MYO1E: variants seen among roughly 807,000 people sequenced by gnomAD.
The protein encoded by MYO1E is unconventional myosin-Ie.
MYO1E carries 68 observed loss-of-function variants against 151.1 expected under a neutral mutation model. That is an observed-to-expected ratio of 0.45 (90% CI 0.37 to 0.55). MYO1E has a LOEUF of 0.55. MYO1E is among the 20% of genes least tolerant of loss of function. The probability of loss-of-function intolerance (pLI) is 0.00; values close to 1 mark genes in which losing one functional copy is unlikely to be tolerated. For synonymous variants in MYO1E, 601 were observed against 501.7 expected, an observed-to-expected ratio of 1.20 and a Z score of -2.64; for missense variants, 1,363 against 1,389.3, an observed-to-expected ratio of 0.98 and a Z score of 0.30.
Position 59,145,630 on chromosome 15 carries a change from G to A in MYO1E, c.3081-7263C>T, listed in dbSNP as rs2140302139. On this transcript the variant is annotated intron_variant, in intron 26 of 27. Transcript: ENST00000288235. ...TGGTCTCGAACTCCTGGCCTCAAGTGATCCACCCGCCTTGGCCTCCCAAAG... is the reference window on the plus strand; with the variant it reads ...TGGTCTCGAACTCCTGGCCTCAAGTAATCCACCCGCCTTGGCCTCCCAAAG... Among the ~76,000 whole-genome samples the A allele has an allele frequency of 1.3e-5, 2 of 152,132 alleles. 1 individual carries two copies. Among genetic ancestry groups the A allele is most frequent in the South Asian group, 4.2e-4 (2 of 4,810 alleles).
chr15:59,274,279 A>T (rs1269637622), intron 1 of MYO1E, among the ~76,000 whole-genome samples: 2 of 152,204 alleles, frequency 1.3e-5, no homozygotes, highest in Admixed American at 1.3e-4. Context: ...CACATACAGC[A>T]TCAATTCTAC....
Position 59,135,856 on chromosome 15 carries a change from AC to A in MYO1E, c.*1523del, listed in dbSNP as rs2079369473. 1.3e-5 allele frequency: 2 copies of A among 152,204 alleles called. No homozygotes were observed. The allele number at this position is 152,204 out of a possible 1,614,324, so 9.4% of individuals were successfully genotyped here. ...GGTAGAGAAATGGCAGTCTCTACTT[AC>A]AACCATTCCATTATTGATGGGCATT... On this transcript the variant is annotated 3_prime_UTR_variant, in exon 28 of 28. Transcript: ENST00000288235.
At chr15:59,188,367 C>G in intron 17 of MYO1E, 151 bp from the exon 18 acceptor site, 1 of 700,800 alleles carries the variant, frequency 1.4e-6, no homozygotes, top group Admixed American at 2.1e-5. Flanking sequence ...GAGCTGACCT[C>G]TCAGATGACA....
rs1020273476 is a variant in MYO1E, at chr15:59,202,380, T to G, written c.1644A>C (p.Glu548Asp). The G allele has an allele frequency of 5.6e-6, 9 of 1,614,014 alleles. No individual in the cohort carries two copies. In the East Asian group the frequency reaches 1.1e-4, roughly 20 times the overall value. Residue 548 changes from glutamate (E) to aspartate (D), a missense_variant, in exon 16 of 28, where the codon GAA (glutamate) becomes GAC (aspartate). By Grantham distance (45) the Glu-to-Asp change is conservative. Transcript: ENST00000288235. ...ELPFIKSLFP[E>D]NLQADKKGRP... The stretch of plus-strand genomic sequence containing the variant: ...GCCCTTTCTTGTCAGCCTGCAGATT[T>G]TCCGGAAATAAAGACTTTATGAAAG...
intron 2 of MYO1E, among the ~76,000 whole-genome samples, chr15:59,265,754 G>A (rs2414628): frequency 0.47 from 68,419 of 144,614 alleles, 17,850 homozygotes; most frequent in Non-Finnish European, 0.6. Context: ...CCAGGAGTTC[G>A]AGACCAGCCT....
intron 2 of MYO1E, among the ~76,000 whole-genome samples, chr15:59,265,793 A>T (rs74587619): frequency 0.061 from 1,793 of 29,194 alleles, 36 homozygotes; most frequent in East Asian, 0.16. Context: ...CCATCTCCTT[A>T]AAAAAAAAAA....
In MYO1E at chr15:59,202,429, G is replaced by C. The variant is rs768351268; in HGVS notation, c.1617-22C>G. The C allele has an allele frequency of 1.2e-6, 2 of 1,604,022 alleles. 1 individual carries two copies. Among genetic ancestry groups the C allele is most frequent in the South Asian group, 2.2e-5 (2 of 90,878 alleles). The stretch of plus-strand genomic sequence containing the variant: ...AGGCCTGGAAAAGGAGAAAGAGAAT[G>C]AATTAACAATCTGTAAGTACCTCTG... On this transcript the variant is annotated intron_variant, in intron 15 of 27. Transcript: ENST00000288235.
intron 1 of MYO1E, among the ~76,000 whole-genome samples, chr15:59,343,818 G>A (rs113593756): frequency 3.9e-5 from 6 of 152,070 alleles, no homozygotes; most frequent in Non-Finnish European, 5.9e-5. Flanking sequence ...TCTTCAGTAC[G>A]TCAATTGCAT....
intron 14 of MYO1E, chr15:59,207,576 T>C: frequency 6.2e-7 from 1 of 1,614,146 alleles, no homozygotes; most frequent in South Asian, 1.1e-5. Flanking sequence ...GAAGCGGCTG[T>C]AATCTGGATA....
rs1224946560 is a variant in MYO1E, at chr15:59,136,789, C to T, written c.*591G>A. The T allele has an allele frequency of 2.2e-6, 1 of 456,046 alleles. No individual in the cohort carries two copies. Among genetic ancestry groups the T allele is most frequent in the East Asian group, 6.9e-5 (1 of 14,406 alleles). The allele number at this position is 456,046 out of a possible 1,614,324, so 28.2% of individuals were successfully genotyped here. On this transcript the variant is annotated 3_prime_UTR_variant, in exon 28 of 28. Transcript: ENST00000288235. ...CCCCAGCCCCTGACCTGCTTGGCGG[C>T]CCTGATGGTCCCGGCAAAGTGTAAA...
chr15:59,310,818 T>C (rs1258957041), intron 1 of MYO1E, among the ~76,000 whole-genome samples: 1 of 151,922 alleles, frequency 6.6e-6, no homozygotes, highest in Non-Finnish European at 1.5e-5. Flanking sequence ...TTTGGTAGTT[T>C]CGTATATATA....
At chr15:59,192,703 T>G (rs2079741428) in intron 17 of MYO1E, among the ~76,000 whole-genome samples, 1 of 152,202 alleles carries the variant, frequency 6.6e-6, no homozygotes, top group Non-Finnish European at 1.5e-5. Context: ...TGGGGGAAGG[T>G]GGGCTAAGGC....
rs1393998183 is a variant in MYO1E, at chr15:59,181,154, ATTCC to A, written c.1905-2621_1905-2618del. On this transcript the variant is annotated intron_variant, in intron 18 of 27. Transcript: ENST00000288235. ...CACTCCGTGCTTTCCTGGGCTTCCT[ATTCC>A]TCCTTCTCTCTTGCCCGTGAAGTGG... Among the ~76,000 whole-genome samples the A allele has an allele frequency of 2.0e-5, 3 of 152,126 alleles. No individual in the cohort carries two copies. The East Asian group carries it at 5.8e-4, about 29-fold the overall frequency.
At chr15:59,205,611 C>T (rs1272052092) in intron 14 of MYO1E, 126 bp from the exon 15 acceptor site, 2 of 824,626 alleles carry the variant, frequency 2.4e-6, no homozygotes, top group African/African-American at 3.4e-5. Flanking sequence ...GCTACCCTCA[C>T]CACAACATGT....
intron 1 of MYO1E, among the ~76,000 whole-genome samples, chr15:59,296,550 T>A (rs73426914): frequency 1.3e-5 from 2 of 152,170 alleles, no homozygotes; most frequent in Admixed American, 6.5e-5. Context: ...CTGGGCTTAA[T>A]TGCCCTTGAA....
intron 1 of MYO1E, among the ~76,000 whole-genome samples, chr15:59,371,912 C>G (rs2080947781): frequency 6.6e-6 from 1 of 151,078 alleles, no homozygotes; most frequent in Non-Finnish European, 1.5e-5. Flanking sequence ...GGCGCCCCCG[C>G]CTGCCTTTGT....
At chr15:59,217,689 G>A (rs1331302138) in intron 10 of MYO1E, among the ~76,000 whole-genome samples, 1 of 151,444 alleles carries the variant, frequency 6.6e-6, no homozygotes, top group African/African-American at 2.4e-5. Flanking sequence ...ACCACACCTG[G>A]CTAATTTTTG....
At chr15:59,367,753 T>C (rs1432150272) in intron 1 of MYO1E, among the ~76,000 whole-genome samples, 1 of 152,184 alleles carries the variant, frequency 6.6e-6, no homozygotes, top group Non-Finnish European at 1.5e-5. Context: ...ATGTTAAGAC[T>C]TACAATAAAG....
intron 3 of MYO1E, among the ~76,000 whole-genome samples, chr15:59,256,746 C>T (rs2080196091): frequency 6.6e-6 from 1 of 152,182 alleles, no homozygotes; most frequent in Non-Finnish European, 1.5e-5. Context: ...TCTGTAGACA[C>T]TTGGGCAACA....
Sources: allele counts gnomAD v4.1 joint callset (sites outside exome capture counted in the v4.1 genomes callset), GRCh38; gene constraint gnomAD v4.1.1; transcripts MANE v1.5; gene names NCBI Gene and HGNC (gene_info 2026-07-23, HGNC 2026-07-21).